Variants in PGM2L1 observed in about 807,000 individuals in gnomAD.
The protein encoded by PGM2L1 is phosphoglucomutase 2 like 1.
Under a neutral mutation model 73.4 loss-of-function variants are expected in PGM2L1, and 35 were observed. The observed-to-expected ratio is 0.48, with a 90% CI of 0.36 to 0.63. The LOEUF (loss-of-function observed/expected upper bound fraction) is 0.63, where lower values mean the gene tolerates loss of function less well. Ranked by LOEUF, PGM2L1 falls within the 30% of genes least tolerant of loss-of-function variation. The probability of loss-of-function intolerance (pLI) is 0.00; values close to 1 mark genes in which losing one functional copy is unlikely to be tolerated. For synonymous variants in PGM2L1, 225 were observed against 253.8 expected (o/e 0.89, Z 1.08); for missense variants, 570 against 742.0 (o/e 0.77, Z 2.69).
At chr11:74,380,979 C>G (rs1240059833) in intron 1 of PGM2L1, among the ~76,000 whole-genome samples, 1 of 152,110 alleles carries the variant, frequency 6.6e-6, no homozygotes, top group African/African-American at 2.4e-5. Context: ...AATTGCTTAG[C>G]TAGATCATCC....
intron 6 of PGM2L1, among the ~76,000 whole-genome samples, chr11:74,350,733 C>T (rs772980900): frequency 6.6e-6 from 1 of 152,044 alleles, no homozygotes. Flanking sequence ...AAAAATTAGC[C>T]AGGCATGGTA....
chr11:74,371,049 A>T, intron 3 of PGM2L1, 63 bp from the exon 4 acceptor site: 1 of 1,233,004 alleles, frequency 8.1e-7, no homozygotes, highest in Non-Finnish European at 1.2e-6. Context: ...CCAACCTTCC[A>T]CATAAATGTT....
At chr11:74,391,958 A>G (rs558787961) in intron 1 of PGM2L1, among the ~76,000 whole-genome samples, 5 of 152,370 alleles carry the variant, frequency 3.3e-5, no homozygotes, top group African/African-American at 1.2e-4. Flanking sequence ...AGCATTAATT[A>G]TATTGTTTAA....
chr11:74,376,372 G>A (rs1026733983), intron 1 of PGM2L1, among the ~76,000 whole-genome samples: 1 of 151,928 alleles, frequency 6.6e-6, no homozygotes, highest in African/African-American at 2.4e-5. Context: ...TTGTGTTGGG[G>A]TGTTAATAAT....
chr11:74,375,934 A>G (rs1862846869), intron 1 of PGM2L1, among the ~76,000 whole-genome samples: 1 of 152,222 alleles, frequency 6.6e-6, no homozygotes, highest in African/African-American at 2.4e-5. Context: ...GAGAGGCCAA[A>G]GAGAGTTGAA....
intron 5 of PGM2L1, chr11:74,355,025 A>C: frequency 1.3e-5 from 17 of 1,301,026 alleles, no homozygotes; most frequent in Non-Finnish European, 1.9e-5. Context: ...CATCCAGCCA[A>C]AGAGGTCGAA....
At chr11:74,349,791 C>G (rs528587313) in intron 6 of PGM2L1, among the ~76,000 whole-genome samples, 1 of 152,220 alleles carries the variant, frequency 6.6e-6, no homozygotes, top group South Asian at 2.1e-4. Context: ...ATCCTAGTGA[C>G]ATTAACATAA....
intron 1 of PGM2L1, chr11:74,397,757 T>TTTTA (rs1240942272): frequency 3.9e-6 from 1 of 254,600 alleles, no homozygotes; most frequent in African/African-American, 2.2e-5. Context: ...TTTTTTTTTT[T>TTTTA]TTTTTTTGAA....
chr11:74,398,113 G>C lies in PGM2L1; in HGVS notation c.49C>G (p.Pro17Ala), dbSNP rs778222283. 7 of 1,613,268 alleles carry C rather than the reference G, an allele frequency of 4.3e-6. No homozygotes were observed. In the South Asian group the frequency reaches 6.6e-5, roughly 15 times the overall value. The change falls in exon 1 of 14, where the codon CCC becomes GCC. Residue 17 changes from proline (P) to alanine (A), a missense_variant. By Grantham distance (27) the Pro-to-Ala change is conservative. Coordinates refer to ENST00000298198, the MANE Select transcript of PGM2L1 (RefSeq NM_173582.6). ...AGCTGAGGGTCCCCGGTGTGGTAGG[G>C]GGCGTGGAGCAGGTTGGAGTTCAGA... ...GDLNSNLLHA[P>A]YHTGDPQLDT...
intron 6 of PGM2L1, among the ~76,000 whole-genome samples, 186 bp from the exon 7 acceptor site, chr11:74,347,523 C>T (rs1417413420): frequency 1.3e-5 from 2 of 152,186 alleles, no homozygotes; most frequent in African/African-American, 4.8e-5. Context: ...AATTCAACAG[C>T]ATTCTCCCTT....
At chr11:74,377,427 C>T (rs1001897673) in intron 1 of PGM2L1, among the ~76,000 whole-genome samples, 4 of 152,034 alleles carry the variant, frequency 2.6e-5, no homozygotes, top group African/African-American at 9.7e-5. Context: ...GCCACCGCGC[C>T]GGCCAACTAA....
chr11:74,356,893 G>A (rs990910987), intron 5 of PGM2L1, among the ~76,000 whole-genome samples: 1 of 152,008 alleles, frequency 6.6e-6, no homozygotes, highest in African/African-American at 2.4e-5. Flanking sequence ...GAGTGCAATG[G>A]TGCAGTCTCG....
At chr11:74,377,943 T>C (rs964959006) in intron 1 of PGM2L1, among the ~76,000 whole-genome samples, 12 of 150,214 alleles carry the variant, frequency 8.0e-5, no homozygotes, top group African/African-American at 2.7e-4. Flanking sequence ...AGAAGCCTAG[T>C]CAGGAAAAAA....
intron 5 of PGM2L1, among the ~76,000 whole-genome samples, chr11:74,358,575 A>G (rs906055768): frequency 6.6e-6 from 1 of 152,198 alleles, no homozygotes; most frequent in Non-Finnish European, 1.5e-5. Flanking sequence ...CTTTCTTTGC[A>G]TATTCCCTTT....
chr11:74,369,195 A>C (rs1021566743), intron 4 of PGM2L1, among the ~76,000 whole-genome samples: 2 of 152,204 alleles, frequency 1.3e-5, no homozygotes, highest in African/African-American at 4.8e-5. Flanking sequence ...TTGGTCACTG[A>C]GCATCTGTTA....
intron 1 of PGM2L1, among the ~76,000 whole-genome samples, chr11:74,377,626 G>A (rs572482113): frequency 1.3e-5 from 2 of 152,222 alleles, no homozygotes; most frequent in East Asian, 3.9e-4. Flanking sequence ...ATTAGGCATG[G>A]GGTTTCAAGT....
chr11:74,339,791 AT>A (rs1311421158), intron 12 of PGM2L1, among the ~76,000 whole-genome samples: 6 of 152,142 alleles, frequency 3.9e-5, no homozygotes. Context: ...CTGAAAGAGA[AT>A]ATGCTTTTTC....
chr11:74,335,761 A>G lies in PGM2L1; in HGVS notation c.*891T>C, dbSNP rs902509689. 3.9e-5 allele frequency: 6 copies of G among 152,760 alleles called. No individual in the cohort carries two copies. Among genetic ancestry groups the G allele is most frequent in the Admixed American group, 3.3e-4 (5 of 15,300 alleles). The allele number at this position is 152,760 out of a possible 1,614,324, so 9.5% of individuals were successfully genotyped here. A position where few individuals can be genotyped will look rare whatever the true frequency, so the allele number is the denominator to read the frequency against. On this transcript the variant is annotated 3_prime_UTR_variant, in exon 14 of 14. Coordinates refer to ENST00000298198, the MANE Select transcript of PGM2L1 (RefSeq NM_173582.6). ...TTCTAATATGAAGATCCTTAACTAC[A>G]TTAAGCTTGCTTTTATTAAGATCTT...
chr11:74,393,328 C>T (rs190542299), intron 1 of PGM2L1, among the ~76,000 whole-genome samples: 317 of 152,284 alleles, frequency 2.1e-3, no homozygotes, highest in African/African-American at 7.2e-3. Context: ...CCCATCTAAG[C>T]TCCCCAACTG....
Sources: gnomAD v4.1 joint callset for allele counts (sites outside exome capture counted in the v4.1 genomes callset) on GRCh38, gnomAD v4.1.1 for gene constraint, MANE v1.5 for transcripts, NCBI Gene and HGNC (gene_info 2026-07-23, HGNC 2026-07-21) for gene names.